The following ARID1B variants were observed in gnomAD, a reference collection of about 807,000 sequenced individuals.
ARID1B encodes the protein AT-rich interaction domain 1B, also known as AT-rich interactive domain-containing protein 1B.
ARID1B carries 30 observed loss-of-function variants against 212.3 expected under a neutral mutation model. The observed-to-expected ratio is 0.14, with a 90% CI of 0.11 to 0.19. The LOEUF (loss-of-function observed/expected upper bound fraction) is 0.19, where lower values mean the gene tolerates loss of function less well. ARID1B is among the 10% of genes least tolerant of loss of function. The pLI is 1.00. For synonymous variants in ARID1B, 1,402 were observed against 1,301.7 expected, an observed-to-expected ratio of 1.08 and a Z score of -1.66; for missense variants, 2,891 against 3,204.0, an observed-to-expected ratio of 0.90 and a Z score of 2.36.
chr6:157,127,799 A>T (rs1226979750), intron 6 of ARID1B, among the ~76,000 whole-genome samples: 1 of 149,572 alleles, frequency 6.7e-6, no homozygotes, highest in South Asian at 2.1e-4. Flanking sequence ...AAAAAAAAAA[A>T]AAAAAAACAA....
intron 3 of ARID1B, among the ~76,000 whole-genome samples, chr6:156,918,840 G>A (rs1790564515): frequency 6.6e-6 from 1 of 152,156 alleles, no homozygotes; most frequent in Admixed American, 6.5e-5. Flanking sequence ...GATGACTGAT[G>A]CCAGGAGGAT....
intron 4 of ARID1B, among the ~76,000 whole-genome samples, chr6:157,067,276 C>T (rs1783726419): frequency 6.6e-6 from 1 of 152,204 alleles, no homozygotes; most frequent in Non-Finnish European, 1.5e-5. Context: ...AGTCACAAAG[C>T]CCATGCTCCT....
rs186351906 is a variant in ARID1B, at chr6:157,039,065, C to G, written c.2248-45597C>G. Among the ~76,000 whole-genome samples, 672 of 152,166 alleles carry G rather than the reference C, an allele frequency of 4.4e-3. 4 individuals are homozygous for G. The highest frequency in any genetic ancestry group is 0.015 in the African/African-American group (640 of 41,500). On this transcript the variant is annotated intron_variant, in intron 4 of 19. Coordinates refer to ENST00000636930, the MANE Select transcript of ARID1B (RefSeq NM_001374828.1). ...GCTAATTTTTTATAAAAATGCAGGT[C>G]TAACTATGTTGCCCAGGCTGGTCTT...
In ARID1B at chr6:157,094,113, A is replaced by T. The variant is rs1785456563; in HGVS notation, c.2491+9208A>T. Among the ~76,000 whole-genome samples the T allele has an allele frequency of 1.3e-5, 2 of 152,192 alleles. No individual in the cohort carries two copies. The highest frequency in any genetic ancestry group is 4.8e-5 in the African/African-American group (2 of 41,444). On this transcript the variant is annotated intron_variant, in intron 5 of 19. Coordinates refer to ENST00000636930, the MANE Select transcript of ARID1B (RefSeq NM_001374828.1). The surrounding 1 kb of genome is among the most constrained non-coding windows in gnomAD (Gnocchi z 4.3). Reference sequence around the variant, plus strand: ...CTCTCTTAGAAGCTGATATTTGAACAAGAGAAGTGAAAGAAGGGCAGGGGC... The same window carrying T: ...CTCTCTTAGAAGCTGATATTTGAACTAGAGAAGTGAAAGAAGGGCAGGGGC...
At chr6:157,139,018 A>T (rs549527495) in intron 7 of ARID1B, among the ~76,000 whole-genome samples, 1 of 152,336 alleles carries the variant, frequency 6.6e-6, no homozygotes, top group African/African-American at 2.4e-5. Context: ...ACTGATAATC[A>T]TCATGATTTT....
rs1012567748 is a variant in ARID1B at position 157,084,806 on chromosome 6, C to T, written c.2392C>T (p.Leu798Phe). The change falls in exon 5 of 20, where the codon CTC becomes TTC. Residue 798 changes from leucine (L) to phenylalanine (F), a missense_variant. Physicochemically the swap from Leu to Phe is conservative, Grantham distance 22. Coordinates refer to ENST00000636930, the MANE Select transcript of ARID1B (RefSeq NM_001374828.1). ...SPFSPHASPHLSSIPGGPSPS... is the reference protein window; with the variant it reads ...SPFSPHASPHFSSIPGGPSPS... ...TTTCTCCCCACATGCGTCCCCTCAT[C>T]TCTCCAGCATCCCGGGGGGCCCATC... 6.2e-7 allele frequency: 1 copy of T among 1,614,086 alleles called. No homozygotes were observed. The highest frequency in any genetic ancestry group is 8.5e-7 in the Non-Finnish European group (1 of 1,179,942).
chr6:157,204,736 GCCCGA>G (rs1186609756), intron 19 of ARID1B: 8 of 152,190 alleles, frequency 5.3e-5, no homozygotes, highest in Non-Finnish European at 1.0e-4. Context: ...TGGGGAAAAT[GCCCGA>G]GTCCACTGGG....
At chr6:156,897,272 T>TATTATTATTATTATC (rs1788551548) in intron 2 of ARID1B, among the ~76,000 whole-genome samples, 1 of 137,358 alleles carries the variant, frequency 7.3e-6, no homozygotes, top group Non-Finnish European at 1.6e-5. Context: ...TTCTTATTAT[T>TATTATTATTATTATC]ATTATTATTA....
intron 3 of ARID1B, among the ~76,000 whole-genome samples, chr6:156,911,955 C>T (rs176390): frequency 0.18 from 27,262 of 152,000 alleles, 2,707 homozygotes; most frequent in Non-Finnish European, 0.22. Flanking sequence ...GTAAGTTACC[C>T]CAAAGTCTGG....
chr6:157,056,117 T>C (rs79981972), intron 4 of ARID1B, among the ~76,000 whole-genome samples: 4,090 of 152,278 alleles, frequency 0.027, 262 homozygotes, highest in East Asian at 0.25. Context: ...ATTGCAGAAG[T>C]GTTACCTGTC....
At chr6:157,039,868 TTC>T (rs1251532219) in intron 4 of ARID1B, among the ~76,000 whole-genome samples, 1 of 94,222 alleles carries the variant, frequency 1.1e-5, no homozygotes, top group Non-Finnish European at 2.4e-5. Context: ...TTCTCTCTCT[TTC>T]TCTTTCTTTT....
chr6:156,982,931 G>C (rs1305449263), intron 4 of ARID1B, among the ~76,000 whole-genome samples: 4 of 151,996 alleles, frequency 2.6e-5, no homozygotes, highest in African/African-American at 9.7e-5. Flanking sequence ...CTATTTAAGA[G>C]TGAGGTGCAT....
chr6:156,959,664 CTG>C (rs1794225683), intron 4 of ARID1B, among the ~76,000 whole-genome samples: 1 of 152,116 alleles, frequency 6.6e-6, no homozygotes, highest in Admixed American at 6.5e-5. Context: ...GAAACTGTGA[CTG>C]TGTAAAGGTT....
At chr6:156,916,561 A>G (rs1790373603) in intron 3 of ARID1B, among the ~76,000 whole-genome samples, 2 of 152,152 alleles carry the variant, frequency 1.3e-5, no homozygotes, top group Admixed American at 6.5e-5. Context: ...ATACTTTTAT[A>G]TAGAAGGGGA....
At chr6:157,041,632 T>A (rs764588625) in intron 4 of ARID1B, among the ~76,000 whole-genome samples, 1 of 152,208 alleles carries the variant, frequency 6.6e-6, no homozygotes, top group Non-Finnish European at 1.5e-5. Flanking sequence ...GACACTGTTG[T>A]TATCCCCAGT....
intron 4 of ARID1B, among the ~76,000 whole-genome samples, chr6:157,075,855 A>C (rs1189110464): frequency 6.6e-6 from 1 of 152,254 alleles, no homozygotes; most frequent in East Asian, 1.9e-4. Context: ...CAACTGTGTC[A>C]AGGAAAGACT....
intron 7 of ARID1B, among the ~76,000 whole-genome samples, chr6:157,138,321 G>A (rs1458472673): frequency 6.6e-6 from 1 of 152,004 alleles, no homozygotes; most frequent in African/African-American, 2.4e-5. Context: ...CTGCAACCTC[G>A]AGCTCTTGGG....
chr6:156,943,101 C>T (rs1031419824), intron 4 of ARID1B: 5 of 152,146 alleles, frequency 3.3e-5, no homozygotes, highest in African/African-American at 1.2e-4. Context: ...CCATTCTTCC[C>T]TCACAATGTA....
intron 8 of ARID1B, among the ~76,000 whole-genome samples, chr6:157,153,436 A>G (rs1340539701): frequency 6.6e-6 from 1 of 152,242 alleles, no homozygotes; most frequent in Non-Finnish European, 1.5e-5. Flanking sequence ...AAGCATTGCT[A>G]GTTAAGGAAT....
Sources: allele counts gnomAD v4.1 joint callset (sites outside exome capture counted in the v4.1 genomes callset), GRCh38; gene constraint gnomAD v4.1.1; non-coding constraint Gnocchi (gnomAD v3.1); transcripts MANE v1.5; gene names NCBI Gene and HGNC (gene_info 2026-07-23, HGNC 2026-07-21).